Variants in FMN2 observed in about 807,000 individuals in gnomAD.
FMN2 encodes the protein formin-2.
Under a neutral mutation model 142.3 loss-of-function variants are expected in FMN2, and 51 were observed. That is an observed-to-expected ratio of 0.36 (90% confidence interval 0.29 to 0.45). The LOEUF is 0.45. FMN2 is among the 20% of genes least tolerant of loss of function. The pLI, the probability that FMN2 is intolerant of heterozygous loss-of-function variation, is 1.00. For synonymous variants in FMN2, 882 were observed against 869.8 expected, an observed-to-expected ratio of 1.01 and a Z score of -0.25; for missense variants, 1,936 against 2,122.8, an observed-to-expected ratio of 0.91 and a Z score of 1.73.
chr1:240,109,823 C>T (rs1661742036), intron 1 of FMN2, among the ~76,000 whole-genome samples: 1 of 152,126 alleles, frequency 6.6e-6, no homozygotes, highest in Non-Finnish European at 1.5e-5. Flanking sequence ...ATCTCTTCTA[C>T]AAGAGTATGC....
chr1:240,314,333 A>AGAGAAAGG (rs1670696120), intron 8 of FMN2, among the ~76,000 whole-genome samples: 1 of 152,236 alleles, frequency 6.6e-6, no homozygotes, highest in East Asian at 1.9e-4. Context: ...AATTGAAAGG[A>AGAGAAAGG]GAGAAAGGGA....
intron 15 of FMN2, among the ~76,000 whole-genome samples, chr1:240,421,582 C>T (rs968633195): frequency 3.3e-5 from 5 of 151,974 alleles, no homozygotes; most frequent in Admixed American, 2.6e-4. Flanking sequence ...TGCCTTTGTT[C>T]CTTTGTCAAA....
At chr1:240,114,938 G>A (rs1225127013) in intron 1 of FMN2, among the ~76,000 whole-genome samples, 1 of 152,162 alleles carries the variant, frequency 6.6e-6, no homozygotes, top group Non-Finnish European at 1.5e-5. Flanking sequence ...TTACAGGCGT[G>A]AGCCACCGCG....
chr1:240,256,363 C>A (rs921414668), intron 6 of FMN2, among the ~76,000 whole-genome samples: 7 of 152,160 alleles, frequency 4.6e-5, no homozygotes, highest in Admixed American at 4.6e-4. Context: ...CATTTAGAAT[C>A]AAAATGTATA....
intron 7 of FMN2, among the ~76,000 whole-genome samples, chr1:240,272,264 G>A (rs1669042331): frequency 6.6e-6 from 1 of 152,132 alleles, no homozygotes; most frequent in South Asian, 2.1e-4. Context: ...CATGGAGCAT[G>A]CATGGAGGTA....
intron 16 of FMN2, among the ~76,000 whole-genome samples, chr1:240,452,468 T>A (rs1676094275): frequency 1.3e-5 from 2 of 152,076 alleles, no homozygotes; most frequent in African/African-American, 4.8e-5. Context: ...ATAATATATA[T>A]TTTTGCAAAA....
chr1:240,184,358 TC>T (rs1192137226), intron 3 of FMN2, among the ~76,000 whole-genome samples: 1 of 142,664 alleles, frequency 7.0e-6, no homozygotes, highest in African/African-American at 2.6e-5. Context: ...TGCGTCAGCC[TC>T]CCGAGTAGCT....
chr1:240,142,986 A>G (rs1035817357), intron 2 of FMN2: 1 of 1,574,042 alleles, frequency 6.4e-7, no homozygotes, highest in Non-Finnish European at 8.7e-7. Context: ...AACATCCAGG[A>G]AAGAGAGAGG....
At chr1:240,443,903 G>T (rs1675713810) in intron 16 of FMN2, among the ~76,000 whole-genome samples, 1 of 152,102 alleles carries the variant, frequency 6.6e-6, no homozygotes, top group African/African-American at 2.4e-5. Flanking sequence ...TTATTTTCAG[G>T]AAGGCATTGG....
chr1:240,264,692 C>T (rs1341544209), intron 7 of FMN2, among the ~76,000 whole-genome samples: 7 of 152,164 alleles, frequency 4.6e-5, no homozygotes, highest in Non-Finnish European at 1.0e-4. Flanking sequence ...TCACCTATAT[C>T]CCTGCAAATG....
chr1:240,233,915 C>T (rs373981104), intron 6 of FMN2, among the ~76,000 whole-genome samples: 102 of 152,200 alleles, frequency 6.7e-4, no homozygotes, highest in Admixed American at 1.2e-3. Flanking sequence ...CAACTATTGA[C>T]GATACCCACT....
In FMN2 at chr1:240,188,276, A is replaced by G. The variant is rs1665564191; in HGVS notation, c.1986+14A>G. 3 of 1,611,642 alleles carry G rather than the reference A, an allele frequency of 1.9e-6. No individual in the cohort carries two copies. In the African/African-American group the frequency reaches 4.0e-5, roughly 22 times the overall value. On this transcript the variant is annotated intron_variant, in intron 4 of 17. Transcript: ENST00000319653. ...GCTGTCCAGAAGGTAAGATGATCTT[A>G]TTAGGATGTCAGATTCCCATCTGTC...
At chr1:240,384,318 G>T (rs999457142) in intron 14 of FMN2, among the ~76,000 whole-genome samples, 1 of 152,020 alleles carries the variant, frequency 6.6e-6, no homozygotes, top group Non-Finnish European at 1.5e-5. Context: ...TTAAAAGAAA[G>T]AAATATATTC....
chr1:240,322,978 T>A (rs1489407313), intron 8 of FMN2, among the ~76,000 whole-genome samples: 1 of 152,164 alleles, frequency 6.6e-6, no homozygotes, highest in Non-Finnish European at 1.5e-5. Context: ...CTTCCTGATC[T>A]TCCGCCATCC....
chr1:240,207,339 C>A lies in FMN2; in HGVS notation c.2527C>A (p.His843Asn). The part of the protein sequence containing the change: ...ISTEFQTSHE[H>N]SVSSAFKNSC... Reference sequence around the variant, plus strand: ...TACCGAGTTTCAAACCAGCCACGAACACTCTGTTTCCTCTGCCTTTAAAAA... The same window carrying A: ...TACCGAGTTTCAAACCAGCCACGAAAACTCTGTTTCCTCTGCCTTTAAAAA... Residue 843 changes from histidine to asparagine, a missense_variant, in exon 5 of 18, where the codon CAC becomes AAC. By Grantham distance (68) the His-to-Asn change is moderately conservative (BLOSUM62 1). Coordinates refer to ENST00000319653, the MANE Select transcript of FMN2 (RefSeq NM_020066.5). The A allele has an allele frequency of 6.2e-7, 1 of 1,613,810 alleles. No homozygotes were observed. Among genetic ancestry groups the A allele is most frequent in the Non-Finnish European group, 8.5e-7 (1 of 1,179,846 alleles).
chr1:240,311,043 C>T (rs1267499976), intron 8 of FMN2, among the ~76,000 whole-genome samples: 1 of 152,000 alleles, frequency 6.6e-6, no homozygotes, highest in African/African-American at 2.4e-5. Flanking sequence ...AAAAATTCAA[C>T]ACCCCCTTTG....
Position 240,245,083 on chromosome 1 carries a change from A to G in FMN2, c.4066-12862A>G, listed in dbSNP as rs1465761930. Among the ~76,000 whole-genome samples the G allele has an allele frequency of 2.0e-5, 3 of 152,204 alleles. No homozygotes were observed. In the East Asian group the frequency reaches 5.8e-4, roughly 29 times the overall value. ...GAGAGTATATAGTCTCAAAAGAGTAAAGAAGTGGCTCCTAAGTCAGCTCCT... is the reference window on the plus strand; with the variant it reads ...GAGAGTATATAGTCTCAAAAGAGTAGAGAAGTGGCTCCTAAGTCAGCTCCT... On this transcript the variant is annotated intron_variant, in intron 6 of 17. Transcript: ENST00000319653.
intron 7 of FMN2, among the ~76,000 whole-genome samples, chr1:240,286,284 C>T (rs191690989): frequency 7.9e-5 from 12 of 152,226 alleles, no homozygotes; most frequent in Non-Finnish European, 1.6e-4. Context: ...AGCATAGCAA[C>T]CTATCCTACA....
At chr1:240,186,071 GT>G (rs1408530128) in intron 3 of FMN2, among the ~76,000 whole-genome samples, 2 of 152,142 alleles carry the variant, frequency 1.3e-5, no homozygotes, top group Admixed American at 6.5e-5. Context: ...AAGGCCAGTT[GT>G]TTATTGCCAC....
Sources: allele counts gnomAD v4.1 joint callset (sites outside exome capture counted in the v4.1 genomes callset), GRCh38; gene constraint gnomAD v4.1.1; transcripts MANE v1.5; gene names NCBI Gene and HGNC (gene_info 2026-07-23, HGNC 2026-07-21).